COL25A1: variants seen among roughly 807,000 people sequenced by gnomAD.
COL25A1 encodes the protein collagen type XXV alpha 1 chain.
In COL25A1, 103 loss-of-function variants were observed where a neutral mutation model predicts 128.4. The observed-to-expected ratio is 0.80, with a 90% CI of 0.68 to 0.94. The LOEUF is 0.94. Ranked by LOEUF, COL25A1 falls within the 40% of genes least tolerant of loss-of-function variation. The pLI, the probability that COL25A1 is intolerant of heterozygous loss-of-function variation, is 0.00. For missense variants in COL25A1, 745 were observed against 840.0 expected, an observed-to-expected ratio of 0.89 and a Z score of 1.40; for synonymous variants, 279 against 277.2, an observed-to-expected ratio of 1.01 and a Z score of -0.06.
At chr4:109,014,526 G>T (rs1402347219) in intron 5 of COL25A1, among the ~76,000 whole-genome samples, 1 of 152,168 alleles carries the variant, frequency 6.6e-6, no homozygotes, top group Non-Finnish European at 1.5e-5. Context: ...TCGCATTCCT[G>T]CCATTATACT....
intron 3 of COL25A1, among the ~76,000 whole-genome samples, chr4:109,189,093 A>G (rs977068471): frequency 4.6e-5 from 7 of 152,154 alleles, no homozygotes; most frequent in African/African-American, 1.4e-4. Context: ...TCTATCATGT[A>G]TAATTCTCTT....
In COL25A1 at chr4:108,860,962, C is replaced by T. The variant is rs1482032726; in HGVS notation, c.1207G>A (p.Gly403Arg). 6.2e-7 allele frequency: 1 copy of T among 1,613,588 alleles called. No individual in the cohort carries two copies. Among genetic ancestry groups the T allele is most frequent in the South Asian group, 1.1e-5 (1 of 91,066 alleles). Residue 403 changes from glycine (G) to arginine (R), a missense_variant, in exon 23 of 38, where the codon GGA (glycine) becomes AGA (arginine). By Grantham distance (125) the Gly-to-Arg change is moderately radical. Around this residue, in one of 3 missense-constraint regions of COL25A1, gnomAD observed 387 missense variants for 441.9 expected, o/e 0.88. Transcript: ENST00000399132. ...TGAGCTCCAGAGTCCCCTTTTTCTC[C>T]ACGATCCCCCTTTTCCCGTTGGAAA... is the stretch of plus-strand genomic sequence containing the variant. ...RGPKGSKGDR[G>R]EKGDSGAQGP... is the part of the protein sequence containing the mutation.
At chr4:108,853,728 C>T (rs1236414585) in intron 24 of COL25A1, among the ~76,000 whole-genome samples, 2 of 151,694 alleles carry the variant, frequency 1.3e-5, no homozygotes, top group African/African-American at 4.8e-5. Context: ...CATATGTTCT[C>T]ATTGTTCAAC....
chr4:108,905,852 G>C (rs1250930061), intron 13 of COL25A1, among the ~76,000 whole-genome samples: 6 of 149,988 alleles, frequency 4.0e-5, no homozygotes, highest in South Asian at 4.2e-4. Flanking sequence ...CAGTATGTCG[G>C]GGGGGGGTGC....
At chr4:109,230,621 A>T (rs1779102725) in intron 3 of COL25A1, among the ~76,000 whole-genome samples, 1 of 152,210 alleles carries the variant, frequency 6.6e-6, no homozygotes, top group South Asian at 2.1e-4. Context: ...TCAAAAGGGG[A>T]GCATCTATGC....
At chr4:108,841,837 A>G in intron 30 of COL25A1, 116 bp from the exon 31 acceptor site, 1 of 854,920 alleles carries the variant, frequency 1.2e-6, no homozygotes, top group Non-Finnish European at 1.9e-6. Flanking sequence ...TGTTTGAGCT[A>G]TAGGTAGAGG....
At chr4:108,831,170 T>G (rs1408702548) in intron 32 of COL25A1, among the ~76,000 whole-genome samples, 1 of 151,756 alleles carries the variant, frequency 6.6e-6, no homozygotes, top group Non-Finnish European at 1.5e-5. Flanking sequence ...CTGTTTTTTT[T>G]GCAGCATTCA....
chr4:109,091,370 A>C (rs1579334875), intron 3 of COL25A1, among the ~76,000 whole-genome samples: 1 of 152,180 alleles, frequency 6.6e-6, no homozygotes, highest in East Asian at 1.9e-4. Context: ...CATTTTACCA[A>C]GTCTTTCTCA....
chr4:109,238,697 G>C (rs1182111483), intron 3 of COL25A1, among the ~76,000 whole-genome samples: 1 of 152,032 alleles, frequency 6.6e-6, no homozygotes, highest in African/African-American at 2.4e-5. Context: ...TGAATGGGCT[G>C]CTCTCTGCCT....
At chr4:109,154,093 ACTATTG>A (rs1468569041) in intron 3 of COL25A1, among the ~76,000 whole-genome samples, 7 of 152,198 alleles carry the variant, frequency 4.6e-5, no homozygotes, top group Admixed American at 4.6e-4. Context: ...GGGACTTTTG[ACTATTG>A]CTTTTATAGT....
chr4:109,165,859 T>G (rs1171917608), intron 3 of COL25A1, among the ~76,000 whole-genome samples: 1 of 152,196 alleles, frequency 6.6e-6, no homozygotes, highest in African/African-American at 2.4e-5. Context: ...AAGTACAGTT[T>G]CTAACTAGAA....
At chr4:109,292,378 A>G (rs1376089482) in intron 3 of COL25A1, among the ~76,000 whole-genome samples, 1 of 152,078 alleles carries the variant, frequency 6.6e-6, no homozygotes, top group Non-Finnish European at 1.5e-5. Context: ...TCTCAGAGAA[A>G]ATGTTTAAAA....
chr4:109,064,474 G>A (rs140661090), intron 3 of COL25A1, among the ~76,000 whole-genome samples: 4 of 152,286 alleles, frequency 2.6e-5, no homozygotes, highest in African/African-American at 9.6e-5. Context: ...ATCAAATGGA[G>A]GCCAAACCTA....
chr4:108,928,246 A>G (rs1746304454), intron 11 of COL25A1, among the ~76,000 whole-genome samples: 1 of 152,234 alleles, frequency 6.6e-6, no homozygotes, highest in Non-Finnish European at 1.5e-5. Context: ...ATGCTGAGAA[A>G]CACTGGCTGC....
intron 3 of COL25A1, among the ~76,000 whole-genome samples, chr4:109,222,424 A>T (rs1453951918): frequency 1.3e-5 from 2 of 152,032 alleles, no homozygotes; most frequent in Non-Finnish European, 2.9e-5. Flanking sequence ...TTTTTAAAAA[A>T]CTGATTTTCA....
intron 6 of COL25A1, among the ~76,000 whole-genome samples, chr4:108,993,276 C>T (rs371794273): frequency 2.6e-5 from 4 of 152,238 alleles, no homozygotes; most frequent in Admixed American, 6.5e-5. Flanking sequence ...CATGAGAACA[C>T]GAGGTATTTA....
chr4:109,070,189 T>G (rs1417058339), intron 3 of COL25A1, among the ~76,000 whole-genome samples: 2 of 150,896 alleles, frequency 1.3e-5, no homozygotes, highest in Non-Finnish European at 3.0e-5. Flanking sequence ...ACCCAAGAGT[T>G]GGAGGCTGCA....
chr4:109,266,404 G>C (rs1039427290), intron 3 of COL25A1, among the ~76,000 whole-genome samples: 7 of 152,120 alleles, frequency 4.6e-5, no homozygotes, highest in African/African-American at 1.7e-4. Context: ...CATGACAATG[G>C]AGCGATTTGA....
At chr4:109,118,102 C>A (rs1767773089) in intron 3 of COL25A1, among the ~76,000 whole-genome samples, 3 of 151,564 alleles carry the variant, frequency 2.0e-5, no homozygotes, top group South Asian at 4.1e-4. Flanking sequence ...GGTCGAAATA[C>A]AGCAATTAAA....
Sources: gnomAD v4.1 joint callset for allele counts (sites outside exome capture counted in the v4.1 genomes callset) on GRCh38, gnomAD v4.1.1 for gene constraint, gnomAD v4.1.1 regional missense constraint, MANE v1.5 for transcripts, NCBI Gene and HGNC (gene_info 2026-07-23, HGNC 2026-07-21) for gene names.